Variants in MYO5A observed in about 807,000 individuals in gnomAD.
MYO5A encodes unconventional myosin-Va.
A neutral mutation model predicts 249.7 loss-of-function variants in MYO5A; 98 were observed. The ratio of observed to expected loss-of-function variants is 0.39; its 90% CI spans 0.33 to 0.46. The LOEUF (loss-of-function observed/expected upper bound fraction) is 0.46, where lower values mean the gene tolerates loss of function less well. Among genes scored for constraint, MYO5A ranks in the 20% least tolerant of loss-of-function variants. MYO5A has a pLI of 0.98. For synonymous variants in MYO5A, 778 were observed against 810.6 expected (o/e 0.96, Z 0.68); for missense variants, 1,696 against 2,308.8 (o/e 0.73, Z 5.44).
intron 37 of MYO5A, among the ~76,000 whole-genome samples, chr15:52,321,824 T>A (rs928408940): frequency 6.6e-6 from 1 of 151,220 alleles, no homozygotes; most frequent in African/African-American, 2.4e-5. Context: ...AAATAGAGTG[T>A]TTCACTTCTG....
Position 52,526,759 on chromosome 15 carries a change from A to G in MYO5A, c.27+2021T>C, listed in dbSNP as rs552062604. 5.9e-5 allele frequency among the ~76,000 whole-genome samples: 9 copies of G among 152,278 alleles called. No homozygotes were observed. The South Asian group carries it at 1.7e-3, about 28-fold the overall frequency. ...GTGATAAAGCTGTGACAGAAGCCCAAAACTTTACCATTTACAAATCACAAC... is the reference window on the plus strand; with the variant it reads ...GTGATAAAGCTGTGACAGAAGCCCAGAACTTTACCATTTACAAATCACAAC... On this transcript the variant is annotated intron_variant, in intron 1 of 41. Transcript: ENST00000399233.
chr15:52,474,813 G>A (rs2076555788), intron 1 of MYO5A, among the ~76,000 whole-genome samples: 1 of 152,134 alleles, frequency 6.6e-6, no homozygotes, highest in Non-Finnish European at 1.5e-5. Context: ...GAGGATTTTT[G>A]CATCGATGTT....
chr15:52,456,602 G>A (rs1323010423), intron 1 of MYO5A, among the ~76,000 whole-genome samples: 4 of 151,980 alleles, frequency 2.6e-5, no homozygotes, highest in Non-Finnish European at 5.9e-5. Context: ...AAGCATGCCT[G>A]GTACTGGTAT....
In MYO5A at chr15:52,330,338, G is replaced by A; in HGVS notation, c.4555+15C>T. The A allele has an allele frequency of 6.2e-7, 1 of 1,613,958 alleles. No homozygotes were observed. ...GTGCCAGAAGGAACTTTTATCCAAT[G>A]CAGAAAATACTTGCCCAGAATCAGG... On this transcript the variant is annotated intron_variant, in intron 35 of 41. Transcript: ENST00000399233.
rs753586448 is a variant in MYO5A, at chr15:52,396,373, A to G, written c.1344T>C (p.Ser448=). The G allele has an allele frequency of 3.2e-6, 5 of 1,568,120 alleles. No homozygotes were observed. Among genetic ancestry groups the G allele is most frequent in the East Asian group, 4.5e-5 (2 of 44,480 alleles). Residue 448 remains serine (S), a synonymous_variant, in exon 11 of 42, where the codon AGT becomes AGC. Transcript: ENST00000399233. ...CATAATTTATGCAAAACTGTTCAAA[A>G]CTATTTATCTCAAATGTTTCAAATC... ...IYGFETFEIN[S]FEQFCINYAN...
intron 14 of MYO5A, among the ~76,000 whole-genome samples, chr15:52,387,137 C>T (rs1193466051): frequency 1.3e-5 from 2 of 152,162 alleles, no homozygotes; most frequent in Admixed American, 6.5e-5. Flanking sequence ...GTGGGATGAA[C>T]ATGAGCCATG....
chr15:52,507,982 T>C (rs985169604), intron 1 of MYO5A, among the ~76,000 whole-genome samples: 7 of 152,202 alleles, frequency 4.6e-5, no homozygotes, highest in Admixed American at 3.9e-4. Context: ...CATATATATG[T>C]ATGTATCTAA....
At position 52,351,492 on chromosome 15, in the gene MYO5A, A is replaced by G. The variant is rs769183740; in HGVS notation, c.3622-11T>C. Reference sequence around the variant, plus strand: ...TTCTAGTTCTTGACGCTGTATGAAAAGACAAAGAAAAGTTCATTGCTGTCA... The same window carrying G: ...TTCTAGTTCTTGACGCTGTATGAAAGGACAAAGAAAAGTTCATTGCTGTCA... On this transcript the variant is annotated splice_polypyrimidine_tract_variant and intron_variant, in intron 27 of 41. Transcript: ENST00000399233. 1 of 1,612,176 alleles carries G rather than the reference A, an allele frequency of 6.2e-7. No individual in the cohort carries two copies. The highest frequency in any genetic ancestry group is 1.7e-5 in the Admixed American group (1 of 60,020).
intron 2 of MYO5A, among the ~76,000 whole-genome samples, chr15:52,429,325 G>A (rs8032995): frequency 0.19 from 29,502 of 152,090 alleles, 3,632 homozygotes; most frequent in East Asian, 0.55. Flanking sequence ...AAGCCAAGGC[G>A]GGCGGATTAC....
At chr15:52,400,272 C>T (rs1366153365) in intron 9 of MYO5A, among the ~76,000 whole-genome samples, 1 of 152,112 alleles carries the variant, frequency 6.6e-6, no homozygotes, top group African/African-American at 2.4e-5. Flanking sequence ...CTCCAAACAT[C>T]CCATTCCAAT....
Position 52,414,153 on chromosome 15 carries a change from G to A in MYO5A, c.612+1992C>T, listed in dbSNP as rs141996153. Reference sequence around the variant, plus strand: ...TCTCGGGACTGGATTCATTTCCACTGGAGTGGGTTGTTATGAAGTCGGGAG... The same window carrying A: ...TCTCGGGACTGGATTCATTTCCACTAGAGTGGGTTGTTATGAAGTCGGGAG... On this transcript the variant is annotated intron_variant, in intron 5 of 41. Coordinates refer to ENST00000399233, the MANE Select transcript of MYO5A (RefSeq NM_001382347.1). Among the ~76,000 whole-genome samples, 48 of 152,246 alleles carry A rather than the reference G, an allele frequency of 3.2e-4. 1 individual carries two copies. In the East Asian group the frequency reaches 7.9e-3, roughly 25 times the overall value.
At chr15:52,359,826 C>T in intron 25 of MYO5A, 142 bp downstream of exon 25, 1 of 681,660 alleles carries the variant, frequency 1.5e-6, no homozygotes, top group Non-Finnish European at 2.6e-6. Context: ...AAGTTTGTAT[C>T]TACAAGTCAC....
chr15:52,334,588 A>C (rs893081041), intron 34 of MYO5A, among the ~76,000 whole-genome samples: 1 of 152,250 alleles, frequency 6.6e-6, no homozygotes, highest in African/African-American at 2.4e-5. Flanking sequence ...GTATTTGTAC[A>C]TCCAACAGAG....
At chr15:52,330,536 C>T in intron 34 of MYO5A, 37 bp from the exon 35 acceptor site, 1 of 1,611,830 alleles carries the variant, frequency 6.2e-7, no homozygotes, top group Non-Finnish European at 8.5e-7. Flanking sequence ...AAAATGTTTT[C>T]CATATAAAAA....
chr15:52,495,738 AAAGAG>A (rs1343038748), intron 1 of MYO5A, among the ~76,000 whole-genome samples: 1 of 152,216 alleles, frequency 6.6e-6, no homozygotes, highest in African/African-American at 2.4e-5. Context: ...TGAGTGGTCA[AAAGAG>A]AAGGCATAAA....
intron 28 of MYO5A, among the ~76,000 whole-genome samples, chr15:52,349,427 C>T (rs764018953): frequency 1.1e-4 from 16 of 152,192 alleles, no homozygotes; most frequent in East Asian, 3.9e-4. Flanking sequence ...GGATGGGACA[C>T]GAGTGCTACC....
chr15:52,498,518 A>T (rs2077088295), intron 1 of MYO5A, among the ~76,000 whole-genome samples: 1 of 151,954 alleles, frequency 6.6e-6, no homozygotes, highest in African/African-American at 2.4e-5. Context: ...TGTTTGGTTA[A>T]AAAAAAACCT....
chr15:52,431,811 C>A (rs1235784591), intron 2 of MYO5A, among the ~76,000 whole-genome samples: 1 of 151,838 alleles, frequency 6.6e-6, no homozygotes, highest in Admixed American at 6.6e-5. Flanking sequence ...CATATTGAGA[C>A]TCCATCTCTA....
intron 29 of MYO5A, among the ~76,000 whole-genome samples, chr15:52,347,381 A>G (rs2039693467): frequency 6.6e-6 from 1 of 152,150 alleles, no homozygotes; most frequent in African/African-American, 2.4e-5. Flanking sequence ...AAAACAATAT[A>G]CTTCAGAACC....
Sources: allele counts gnomAD v4.1 joint callset (sites outside exome capture counted in the v4.1 genomes callset), GRCh38; gene constraint gnomAD v4.1.1; transcripts MANE v1.5; gene names NCBI Gene and HGNC (gene_info 2026-07-23, HGNC 2026-07-21).